Variants in AIM2 observed in about 807,000 individuals in gnomAD.
AIM2 encodes the protein absent in melanoma 2.
A neutral mutation model predicts 27.7 loss-of-function variants in AIM2; 30 were observed. The ratio of observed to expected loss-of-function variants is 1.08; its 90% CI spans 0.81 to 1.47. The LOEUF is 1.47. Ranked by LOEUF, AIM2 falls within the 40% of genes most tolerant of loss-of-function variation. The probability of loss-of-function intolerance (pLI) is 0.00; values close to 1 mark genes in which losing one functional copy is unlikely to be tolerated. For synonymous variants in AIM2, 141 were observed against 145.3 expected (o/e 0.97, Z 0.21); for missense variants, 358 against 411.3 (o/e 0.87, Z 1.12).
chr1:159,075,026 G>A (rs1656536309), intron 1 of AIM2, among the ~76,000 whole-genome samples: 1 of 152,154 alleles, frequency 6.6e-6, no homozygotes, highest in Non-Finnish European at 1.5e-5. Context: ...TTATCAGGAT[G>A]TACTATCCCT....
At chr1:159,143,497 C>T (rs370223658), upstream of AIM2, among the ~76,000 whole-genome samples, 38 of 151,828 alleles carry the variant, frequency 2.5e-4, no homozygotes, top group South Asian at 6.2e-3. Context: ...GGCAGGTTAA[C>T]AGCACAGGCT....
chr1:159,129,981 A>G (rs986653179), intron 1 of AIM2, among the ~76,000 whole-genome samples: 1 of 152,150 alleles, frequency 6.6e-6, no homozygotes, highest in African/African-American at 2.4e-5. Context: ...TTGGGAACTC[A>G]CTAATGTCCA....
intron 1 of AIM2, among the ~76,000 whole-genome samples, chr1:159,128,685 G>A (rs555183543): frequency 4.0e-4 from 61 of 152,008 alleles, no homozygotes; most frequent in African/African-American, 1.4e-3. Flanking sequence ...AGCTTCCTCA[G>A]TGTTTGCACC....
chr1:159,107,231 G>T lies in AIM2; in HGVS notation c.-16+33200C>A, dbSNP rs190586496. On this transcript the variant is annotated intron_variant, in intron 1 of 2. Transcript: ENST00000368129. ...GCTTGCAGTGACCTGATAAGTCTTT[G>T]AGGAAATGAGCCACAGTTTAGGTAG... Among the ~76,000 whole-genome samples the T allele has an allele frequency of 7.5e-4, 114 of 152,240 alleles. 1 individual carries two copies. Among genetic ancestry groups the T allele is most frequent in the African/African-American group, 2.7e-3 (113 of 41,556 alleles).
intron 1 of AIM2, among the ~76,000 whole-genome samples, chr1:159,088,015 T>C (rs1656957915): frequency 1.3e-5 from 2 of 152,220 alleles, no homozygotes; most frequent in South Asian, 4.1e-4. Context: ...GTTTCTCATT[T>C]AACAAAGTAG....
At chr1:159,111,283 C>A (rs905516835) in intron 1 of AIM2, among the ~76,000 whole-genome samples, 1 of 152,104 alleles carries the variant, frequency 6.6e-6, no homozygotes, top group African/African-American at 2.4e-5. Flanking sequence ...GTATGTGTAG[C>A]CTTGTTCAAG....
intron 1 of AIM2, among the ~76,000 whole-genome samples, chr1:159,109,598 G>A (rs2102027005): frequency 6.6e-6 from 1 of 152,230 alleles, no homozygotes; most frequent in East Asian, 1.9e-4. Flanking sequence ...CACAGCAAAA[G>A]GAACAGTCAG....
At chr1:159,145,530 C>T (rs777035612) in intron 1 of AIM2, among the ~76,000 whole-genome samples, 1 of 152,104 alleles carries the variant, frequency 6.6e-6, no homozygotes, top group Non-Finnish European at 1.5e-5. Flanking sequence ...AAATACGGAG[C>T]AAATTATCCT....
At chr1:159,082,505 C>CT (rs1286205402) in intron 1 of AIM2, among the ~76,000 whole-genome samples, 86 of 151,944 alleles carry the variant, frequency 5.7e-4, no homozygotes, top group South Asian at 3.1e-3. Context: ...TTCTCTCTTT[C>CT]TTTTTTTTAA....
chr1:159,058,175 G>A (rs367968846), downstream of AIM2, among the ~76,000 whole-genome samples: 1 of 152,218 alleles, frequency 6.6e-6, no homozygotes, highest in East Asian at 1.9e-4. Flanking sequence ...CCAACATGGT[G>A]AAACTCCATC....
intron 1 of AIM2, among the ~76,000 whole-genome samples, chr1:159,106,839 C>T (rs1012283677): frequency 6.6e-6 from 1 of 152,206 alleles, no homozygotes; most frequent in African/African-American, 2.4e-5. Flanking sequence ...GCTCTGTTTC[C>T]TCATCAACTA....
At chr1:159,111,636 G>T (rs1657573987) in intron 1 of AIM2, among the ~76,000 whole-genome samples, 1 of 151,848 alleles carries the variant, frequency 6.6e-6, no homozygotes, top group South Asian at 2.1e-4. Flanking sequence ...TCCTAGAAAA[G>T]ATTTTTAAAA....
chr1:159,098,172 T>C (rs756115564), intron 1 of AIM2, among the ~76,000 whole-genome samples: 2 of 152,160 alleles, frequency 1.3e-5, no homozygotes, highest in Non-Finnish European at 2.9e-5. Flanking sequence ...TTTTTTCACA[T>C]TGAACTTTCA....
chr1:159,143,067 G>A (rs1376805735), upstream of AIM2, among the ~76,000 whole-genome samples: 3 of 152,130 alleles, frequency 2.0e-5, no homozygotes, highest in Non-Finnish European at 4.4e-5. Context: ...AACCTGTGAG[G>A]CCAGGTGATG....
At chr1:159,105,906 G>C (rs2188118) in intron 1 of AIM2, among the ~76,000 whole-genome samples, 74,961 of 151,936 alleles carry the variant, frequency 0.49, 21,943 homozygotes, top group Admixed American at 0.65. Context: ...CCCATGCTTC[G>C]GGCCATCCTT....
chr1:159,099,496 G>GT (rs908992053), intron 1 of AIM2, among the ~76,000 whole-genome samples: 2 of 151,952 alleles, frequency 1.3e-5, no homozygotes, highest in Admixed American at 6.6e-5. Context: ...GACCTACTTT[G>GT]TTTTTTTTCC....
At chr1:159,057,715 T>C (rs191154427), downstream of AIM2, among the ~76,000 whole-genome samples, 1 of 152,334 alleles carries the variant, frequency 6.6e-6, no homozygotes, top group East Asian at 1.9e-4. Flanking sequence ...TAGAATTTAA[T>C]GGCAAATGTA....
chr1:159,134,189 T>C (rs1205395878), intron 1 of AIM2, among the ~76,000 whole-genome samples: 2 of 152,180 alleles, frequency 1.3e-5, no homozygotes, highest in African/African-American at 4.8e-5. Context: ...AAAACCCTTT[T>C]TCTTCTATAT....
downstream of AIM2, among the ~76,000 whole-genome samples, chr1:159,062,047 ATTG>A (rs1482228731): frequency 2.0e-5 from 3 of 152,050 alleles, no homozygotes; most frequent in East Asian, 1.9e-4. Context: ...TGGATATCTA[ATTG>A]TTGTTGTAGC....
Sources: gnomAD v4.1 joint callset for allele counts (sites outside exome capture counted in the v4.1 genomes callset) on GRCh38, gnomAD v4.1.1 for gene constraint, MANE v1.5 for transcripts, NCBI Gene and HGNC (gene_info 2026-07-23, HGNC 2026-07-21) for gene names.